Variants in ADAMTS12 observed in about 807,000 individuals in gnomAD.
ADAMTS12 encodes the protein A disintegrin and metalloproteinase with thrombospondin motifs 12.
A neutral mutation model predicts 167.8 loss-of-function variants in ADAMTS12; 118 were observed. The ratio of observed to expected loss-of-function variants is 0.70; its 90% confidence interval spans 0.61 to 0.82. ADAMTS12 has a LOEUF of 0.82. Among genes scored for constraint, ADAMTS12 ranks in the 40% least tolerant of loss-of-function variants. ADAMTS12 has a pLI of 0.00. For synonymous variants in ADAMTS12, 704 were observed against 716.9 expected, an observed-to-expected ratio of 0.98 and a Z score of 0.29; for missense variants, 1,916 against 1,998.8, an observed-to-expected ratio of 0.96 and a Z score of 0.79.
At chr5:33,831,637 G>T (rs2111556197) in intron 2 of ADAMTS12, among the ~76,000 whole-genome samples, 1 of 152,278 alleles carries the variant, frequency 6.6e-6, no homozygotes, top group East Asian at 1.9e-4. Context: ...CAAATCACAT[G>T]ATTGTAACAA....
intron 8 of ADAMTS12, 29 bp from the exon 9 acceptor site, chr5:33,648,995 A>C: frequency 6.2e-7 from 1 of 1,610,478 alleles, no homozygotes; most frequent in Non-Finnish European, 8.5e-7. Flanking sequence ...AAATGAGAGG[A>C]GTTGTTTAGG....
chr5:33,542,965 A>C (rs1407620766), intron 22 of ADAMTS12, among the ~76,000 whole-genome samples: 2 of 152,228 alleles, frequency 1.3e-5, no homozygotes, highest in African/African-American at 4.8e-5. Context: ...TAGAGAAGCG[A>C]GAGGAAACAA....
intron 2 of ADAMTS12, among the ~76,000 whole-genome samples, chr5:33,826,516 G>A (rs898463303): frequency 7.2e-5 from 11 of 151,852 alleles, no homozygotes; most frequent in African/African-American, 2.4e-4. Context: ...GTATATGCAT[G>A]AATATATATA....
intron 7 of ADAMTS12, among the ~76,000 whole-genome samples, chr5:33,652,932 G>C (rs907637003): frequency 6.6e-6 from 1 of 151,978 alleles, no homozygotes; most frequent in African/African-American, 2.4e-5. Context: ...CATTGTATAT[G>C]GGGTCCCCCA....
chr5:33,544,926 A>T (rs1744896086), intron 22 of ADAMTS12, among the ~76,000 whole-genome samples: 1 of 152,128 alleles, frequency 6.6e-6, no homozygotes, highest in Non-Finnish European at 1.5e-5. Flanking sequence ...AACCTAGGCA[A>T]TACCATTCAG....
intron 17 of ADAMTS12, among the ~76,000 whole-genome samples, chr5:33,591,078 C>CT (rs1291321641): frequency 2.2e-5 from 2 of 89,582 alleles, no homozygotes; most frequent in Non-Finnish European, 4.4e-5. Context: ...ATCTAAATGT[C>CT]TAAGTGTGTG....
At chr5:33,668,505 A>T (rs539310576) in intron 5 of ADAMTS12, among the ~76,000 whole-genome samples, 1 of 150,728 alleles carries the variant, frequency 6.6e-6, no homozygotes, top group East Asian at 1.9e-4. Context: ...CTTTGGAGGA[A>T]TTTTTTTTTT....
rs181608167 is a variant in ADAMTS12, at chr5:33,576,468, G to A, written c.3558C>T (p.Asp1186=). 79 of 1,608,312 alleles carry A rather than the reference G, an allele frequency of 4.9e-5. No individual in the cohort carries two copies. The highest frequency in any genetic ancestry group is 4.6e-4 in the South Asian group (41 of 89,914). The change falls in exon 19 of 24, where the codon GAC becomes GAT. Residue 1186 remains aspartate, a synonymous_variant. Transcript: ENST00000504830. The part of the protein sequence containing the change: ...IWTKIRVPGN[D]APVESTEMPL... ...GCATTTCTGTACTTTCCACTGGAGC[G>A]TCATTTCCAGGTACTCTGATCTTGG...
At position 33,683,856 on chromosome 5, in the gene ADAMTS12, T is replaced by C. The variant is rs1178607667; in HGVS notation, c.831+3A>G. 1 of 1,520,590 alleles carries C rather than the reference T, an allele frequency of 6.6e-7. No individual in the cohort carries two copies. Among genetic ancestry groups the C allele is most frequent in the Non-Finnish European group, 8.9e-7 (1 of 1,129,338 alleles). 94.2% of individuals were successfully genotyped at this position (1,520,590 alleles called of 1,614,324 possible). A position where few individuals can be genotyped will look rare whatever the true frequency, so the allele number is the denominator to read the frequency against. ...GCCCCAGCCCCCATGTAGTCTGGCATACCATGTTCATGATGGTGAGGATGT... is the reference window on the plus strand; with the variant it reads ...GCCCCAGCCCCCATGTAGTCTGGCACACCATGTTCATGATGGTGAGGATGT... On this transcript the variant is annotated splice_donor_region_variant and intron_variant, in intron 4 of 23. Coordinates refer to ENST00000504830, the MANE Select transcript of ADAMTS12 (RefSeq NM_030955.4).
At chr5:33,601,713 T>G (rs191064168) in intron 16 of ADAMTS12, among the ~76,000 whole-genome samples, 1 of 152,344 alleles carries the variant, frequency 6.6e-6, no homozygotes, top group Admixed American at 6.5e-5. Context: ...TAATAAGATA[T>G]TATTTTACTA....
intron 3 of ADAMTS12, among the ~76,000 whole-genome samples, chr5:33,704,422 T>C (rs1482529197): frequency 1.3e-5 from 2 of 152,214 alleles, no homozygotes; most frequent in East Asian, 1.9e-4. Flanking sequence ...GGAATATTCA[T>C]ATTGATTTAC....
chr5:33,674,692 G>C (rs115693736), intron 5 of ADAMTS12, among the ~76,000 whole-genome samples: 1 of 152,108 alleles, frequency 6.6e-6, no homozygotes, highest in African/African-American at 2.4e-5. Flanking sequence ...AAGAGGGACA[G>C]GTACAGATGC....
At chr5:33,652,755 T>C (rs184406062) in intron 7 of ADAMTS12, among the ~76,000 whole-genome samples, 1 of 152,296 alleles carries the variant, frequency 6.6e-6, no homozygotes, top group Admixed American at 6.5e-5. Flanking sequence ...AGGACTTACA[T>C]TTAAGTCTTC....
chr5:33,855,196 A>G (rs1282306451), intron 2 of ADAMTS12, among the ~76,000 whole-genome samples: 4 of 152,208 alleles, frequency 2.6e-5, no homozygotes, highest in Non-Finnish European at 5.9e-5. Flanking sequence ...TGGGCCAAGA[A>G]CTGAACTGCA....
intron 2 of ADAMTS12, among the ~76,000 whole-genome samples, chr5:33,803,092 G>A (rs1024650937): frequency 6.6e-6 from 1 of 151,650 alleles, no homozygotes; most frequent in Non-Finnish European, 1.5e-5. Context: ...AGTCTCTCTA[G>A]AGGGCTAGGA....
intron 21 of ADAMTS12, 150 bp from the exon 22 acceptor site, chr5:33,546,352 CCTTA>C: frequency 1.6e-6 from 1 of 634,774 alleles, no homozygotes; most frequent in Non-Finnish European, 2.3e-6. Flanking sequence ...CCTGCAAATT[CCTTA>C]CAATGACCAC....
chr5:33,704,917 T>C (rs1743133957), intron 3 of ADAMTS12, among the ~76,000 whole-genome samples: 1 of 152,206 alleles, frequency 6.6e-6, no homozygotes, highest in Admixed American at 6.5e-5. Context: ...CCCAGTCCAA[T>C]GTTTAGAAAT....
chr5:33,601,393 C>G (rs1247763822), intron 16 of ADAMTS12, among the ~76,000 whole-genome samples: 1 of 152,098 alleles, frequency 6.6e-6, no homozygotes, highest in Non-Finnish European at 1.5e-5. Context: ...ATAGTAGGAC[C>G]TTGAGAAAAG....
intron 21 of ADAMTS12, 147 bp from the exon 22 acceptor site, chr5:33,546,349 A>C: frequency 1.6e-6 from 1 of 636,872 alleles, no homozygotes; most frequent in Non-Finnish European, 2.3e-6. Flanking sequence ...ATTCCTGCAA[A>C]TTCCTTACAA....
Sources: allele counts gnomAD v4.1 joint callset (sites outside exome capture counted in the v4.1 genomes callset), GRCh38; gene constraint gnomAD v4.1.1; transcripts MANE v1.5; gene names NCBI Gene and HGNC (gene_info 2026-07-23, HGNC 2026-07-21).